The following CNTNAP2 variants were observed in gnomAD, a reference collection of about 807,000 sequenced individuals.
CNTNAP2 encodes the protein contactin associated protein 2, also known as contactin-associated protein-like 2.
A neutral mutation model predicts 155.2 loss-of-function variants in CNTNAP2; 98 were observed. The observed-to-expected ratio is 0.63, with a 90% CI of 0.54 to 0.75. CNTNAP2 has a LOEUF of 0.75. CNTNAP2 is among the 30% of genes least tolerant of loss of function. The pLI, the probability that CNTNAP2 is intolerant of heterozygous loss-of-function variation, is 0.00. For synonymous variants in CNTNAP2, 651 were observed against 631.2 expected (o/e 1.03, Z -0.47); for missense variants, 1,727 against 1,688.1 (o/e 1.02, Z -0.40).
chr7:146,841,754 G>C (rs1481905222), intron 3 of CNTNAP2, among the ~76,000 whole-genome samples: 1 of 152,234 alleles, frequency 6.6e-6, no homozygotes, highest in South Asian at 2.1e-4. Flanking sequence ...TGCCAAGATA[G>C]TAATAAAGAT....
chr7:147,040,605 C>T (rs1478793604), intron 3 of CNTNAP2, among the ~76,000 whole-genome samples: 6 of 151,608 alleles, frequency 4.0e-5, no homozygotes, highest in South Asian at 2.1e-4. Flanking sequence ...GGATTACAGG[C>T]GTGCATGACC....
chr7:148,227,743 A>C (rs1795878835), intron 19 of CNTNAP2, among the ~76,000 whole-genome samples: 2 of 152,244 alleles, frequency 1.3e-5, no homozygotes, highest in African/African-American at 4.8e-5. Context: ...AAACTCAGAA[A>C]TAGTGAAGGT....
chr7:147,791,424 C>A (rs188434939), intron 13 of CNTNAP2, among the ~76,000 whole-genome samples: 356 of 147,168 alleles, frequency 2.4e-3, no homozygotes, highest in African/African-American at 8.6e-3. Flanking sequence ...TAGTCTTTCT[C>A]TGGCCTTCTG....
chr7:147,794,746 T>A (rs573018930), intron 13 of CNTNAP2, among the ~76,000 whole-genome samples: 3,773 of 149,714 alleles, frequency 0.025, 57 homozygotes, highest in African/African-American at 0.042. Context: ...AGTTTTTTTT[T>A]TAAAAACAAT....
chr7:146,946,919 C>T (rs1797188757), intron 3 of CNTNAP2, among the ~76,000 whole-genome samples: 1 of 151,914 alleles, frequency 6.6e-6, no homozygotes, highest in Non-Finnish European at 1.5e-5. Context: ...TTCACAAAAT[C>T]CCCCCAAAAA....
At chr7:147,293,444 T>C (rs1388397607) in intron 8 of CNTNAP2, among the ~76,000 whole-genome samples, 1 of 152,132 alleles carries the variant, frequency 6.6e-6, no homozygotes, top group Non-Finnish European at 1.5e-5. Flanking sequence ...CTTTTTAAAG[T>C]TTTATTGCAT....
chr7:146,147,530 C>G (rs1463904072), intron 1 of CNTNAP2, among the ~76,000 whole-genome samples: 1 of 152,036 alleles, frequency 6.6e-6, no homozygotes, highest in East Asian at 1.9e-4. Flanking sequence ...AAGTAGGAAG[C>G]CTACCCACTT....
At position 147,947,549 on chromosome 7, in the gene CNTNAP2, A is replaced by C. The variant is rs532766845; in HGVS notation, c.2256-30313A>C. 6.6e-5 allele frequency among the ~76,000 whole-genome samples: 10 copies of C among 151,944 alleles called. No homozygotes were observed. The East Asian group carries it at 1.9e-3, about 30-fold the overall frequency. On this transcript the variant is annotated intron_variant, in intron 14 of 23. Transcript: ENST00000361727. ...AGGCTGAGGTGGGAAGAATTGCTTA[A>C]GCCAGGGAGGTAGAGAGGCTGCAGT...
intron 1 of CNTNAP2, among the ~76,000 whole-genome samples, chr7:146,671,893 G>C (rs1800314767): frequency 6.6e-6 from 1 of 151,770 alleles, no homozygotes; most frequent in Non-Finnish European, 1.5e-5. Context: ...TCAGATCACT[G>C]CAACCTCCGC....
chr7:146,865,485 A>G (rs931942860), intron 3 of CNTNAP2, among the ~76,000 whole-genome samples: 1 of 152,160 alleles, frequency 6.6e-6, no homozygotes, highest in African/African-American at 2.4e-5. Context: ...TGAGTCCACA[A>G]ATAGACTCAC....
chr7:146,550,412 T>TTG (rs1554447417), intron 1 of CNTNAP2, among the ~76,000 whole-genome samples: 1 of 115,490 alleles, frequency 8.7e-6, no homozygotes, highest in East Asian at 2.2e-4. Flanking sequence ...TTTTTTTTTT[T>TTG]TTTTTTTTTT....
intron 21 of CNTNAP2, among the ~76,000 whole-genome samples, chr7:148,323,935 G>A (rs1797845450): frequency 6.8e-6 from 1 of 146,712 alleles, no homozygotes; most frequent in Non-Finnish European, 1.5e-5. Flanking sequence ...CCAGGCTGGA[G>A]TGCAGTGGTA....
intron 1 of CNTNAP2, among the ~76,000 whole-genome samples, chr7:146,538,811 C>G (rs113786977): frequency 2.9e-3 from 435 of 150,156 alleles, no homozygotes; most frequent in Non-Finnish European, 4.7e-3. Context: ...TAATATGAAA[C>G]TGTGATGTGA....
At chr7:147,929,154 T>G (rs1800453741) in intron 14 of CNTNAP2, among the ~76,000 whole-genome samples, 1 of 151,308 alleles carries the variant, frequency 6.6e-6, no homozygotes, top group Non-Finnish European at 1.5e-5. Flanking sequence ...GTTTATGTAT[T>G]GAGTTCTGCT....
chr7:146,879,815 A>G (rs1007665191), intron 3 of CNTNAP2, among the ~76,000 whole-genome samples: 9 of 152,142 alleles, frequency 5.9e-5, no homozygotes, highest in Non-Finnish European at 1.2e-4. Context: ...CACACTGCTG[A>G]TAAAGACATA....
chr7:147,496,033 C>T (rs1040242610), intron 11 of CNTNAP2, among the ~76,000 whole-genome samples: 47 of 152,234 alleles, frequency 3.1e-4, no homozygotes, highest in African/African-American at 1.1e-3. Context: ...GAATCTAATG[C>T]CTGATGATCT....
chr7:147,905,234 C>G (rs1266419186), intron 14 of CNTNAP2, among the ~76,000 whole-genome samples: 1 of 152,168 alleles, frequency 6.6e-6, no homozygotes, highest in East Asian at 1.9e-4. Flanking sequence ...ACATTAATTC[C>G]CTACCTCTTC....
At chr7:146,138,669 T>C (rs1797832737) in intron 1 of CNTNAP2, among the ~76,000 whole-genome samples, 1 of 152,142 alleles carries the variant, frequency 6.6e-6, no homozygotes, top group African/African-American at 2.4e-5. Flanking sequence ...TATGTGTTTT[T>C]GTGTGTGTAC....
chr7:146,884,850 A>G (rs1795625373), intron 3 of CNTNAP2, among the ~76,000 whole-genome samples: 1 of 152,176 alleles, frequency 6.6e-6, no homozygotes, highest in Non-Finnish European at 1.5e-5. Context: ...AATTATTATC[A>G]TTCTAAAAAC....
Sources: allele counts gnomAD v4.1 joint callset (sites outside exome capture counted in the v4.1 genomes callset), GRCh38; gene constraint gnomAD v4.1.1; transcripts MANE v1.5; gene names NCBI Gene and HGNC (gene_info 2026-07-23, HGNC 2026-07-21).